The following CCNY variants were observed in gnomAD, a reference collection of about 807,000 sequenced individuals.
CCNY encodes cyclin-Y.
A neutral mutation model predicts 42.8 loss-of-function variants in CCNY; 19 were observed. The ratio of observed to expected loss-of-function variants is 0.44; its 90% CI spans 0.31 to 0.65. The LOEUF is 0.65. Ranked by LOEUF, CCNY falls within the 30% of genes least tolerant of loss-of-function variation. The pLI is 0.07. For missense variants in CCNY, 370 were observed against 437.3 expected, an observed-to-expected ratio of 0.85 and a Z score of 1.37; for synonymous variants, 165 against 162.7, an observed-to-expected ratio of 1.01 and a Z score of -0.11.
intron 8 of CCNY, among the ~76,000 whole-genome samples, chr10:35,564,903 C>A (rs1841537826): frequency 6.6e-6 from 1 of 152,168 alleles, no homozygotes; most frequent in Non-Finnish European, 1.5e-5. Flanking sequence ...GGAGAACAGC[C>A]CAAGAGGCTG....
intron 8 of CCNY, among the ~76,000 whole-genome samples, chr10:35,563,323 T>G (rs2135462291): frequency 6.6e-6 from 1 of 152,344 alleles, no homozygotes; most frequent in Non-Finnish European, 1.5e-5. Context: ...AAATACCGCC[T>G]TGTTCAAAAG....
Position 35,258,704 on chromosome 10 carries a change from G to A in CCNY, c.-9+8078G>A, listed in dbSNP as rs186018258. On this transcript the variant is annotated intron_variant, in intron 3 of 11. Coordinates refer to the CCNY transcript ENST00000374706. ...GCCTTTCCCAGCACTTTGGGAGGCC[G>A]AGGTGGGCGGATCATGAGGTCAGGA... 8.8e-4 allele frequency among the ~76,000 whole-genome samples: 134 copies of A among 152,232 alleles called. 1 individual carries two copies. Among genetic ancestry groups the A allele is most frequent in the South Asian group, 4.6e-3 (22 of 4,804 alleles).
chr10:35,483,913 G>A (rs1242593605), intron 2 of CCNY, among the ~76,000 whole-genome samples: 1 of 152,184 alleles, frequency 6.6e-6, no homozygotes, highest in East Asian at 1.9e-4. Context: ...AACCCATACT[G>A]TAGGTGCAGA....
rs759877365 is a variant in CCNY, at chr10:35,569,195, A to C, written c.*25A>C. 14 of 1,312,348 alleles carry C rather than the reference A, an allele frequency of 1.1e-5. No homozygotes were observed. The African/African-American group carries it at 1.7e-4, about 16-fold the overall frequency. 81.3% of individuals were successfully genotyped at this position (1,312,348 alleles called of 1,614,324 possible). A position where few individuals can be genotyped will look rare whatever the true frequency, so the allele number is the denominator to read the frequency against. ...ACTACGGAGGCCCGCCGGAGGCCAC[A>C]CCATCCCTTAGTTTCTCCTTTAGTT... is the stretch of plus-strand genomic sequence containing the variant. On this transcript the variant is annotated 3_prime_UTR_variant, in exon 10 of 10. Transcript: ENST00000374704.
intron 1 of CCNY, chr10:35,434,153 G>A (rs1292364906): frequency 6.6e-6 from 1 of 152,218 alleles, no homozygotes; most frequent in African/African-American, 2.4e-5. Flanking sequence ...AGGCGGATGA[G>A]GCCCATATTG....
At chr10:35,477,414 CA>C (rs1839540398) in intron 1 of CCNY, among the ~76,000 whole-genome samples, 1 of 150,278 alleles carries the variant, frequency 6.7e-6, no homozygotes, top group African/African-American at 2.4e-5. Flanking sequence ...CTGAATCCAG[CA>C]GCACATCAAA....
intron 1 of CCNY, among the ~76,000 whole-genome samples, chr10:35,470,651 A>G (rs982463749): frequency 7.9e-5 from 12 of 152,252 alleles, no homozygotes; most frequent in Admixed American, 4.6e-4. Flanking sequence ...GGGATTAACC[A>G]GAACTGCAGT....
At chr10:35,309,950 G>A (rs1198917235) in intron 3 of CCNY, among the ~76,000 whole-genome samples, 1 of 151,912 alleles carries the variant, frequency 6.6e-6, no homozygotes, top group African/African-American at 2.4e-5. Flanking sequence ...GCAGACGCCC[G>A]CCACCATGCC....
At chr10:35,444,392 T>C (rs1838746177) in intron 1 of CCNY, among the ~76,000 whole-genome samples, 1 of 152,006 alleles carries the variant, frequency 6.6e-6, no homozygotes, top group African/African-American at 2.4e-5. Context: ...GGATTATGGG[T>C]GTGCGCCATC....
At chr10:35,450,508 T>C (rs1838892928) in intron 1 of CCNY, among the ~76,000 whole-genome samples, 1 of 152,028 alleles carries the variant, frequency 6.6e-6, no homozygotes, top group African/African-American at 2.4e-5. Flanking sequence ...GCCTGGGAGT[T>C]GTCAGCTTCT....
chr10:35,360,560 G>C lies in CCNY; in HGVS notation c.154+23353G>C, dbSNP rs536604364. On this transcript the variant is annotated intron_variant, in intron 1 of 9. Coordinates refer to ENST00000374704, the MANE Select transcript of CCNY (RefSeq NM_145012.6). ...GCCTCCCAAAGTGCTGGGATTACAG[G>C]TGTGAGTCACTGTGCTCTGCCTAAA... Among the ~76,000 whole-genome samples the C allele has an allele frequency of 2.0e-5, 3 of 152,050 alleles. No individual in the cohort carries two copies. The East Asian group carries it at 5.8e-4, about 29-fold the overall frequency.
At chr10:35,461,972 C>G (rs1387650298) in intron 1 of CCNY, among the ~76,000 whole-genome samples, 1 of 152,040 alleles carries the variant, frequency 6.6e-6, no homozygotes, top group Non-Finnish European at 1.5e-5. Context: ...TCTCCTTACA[C>G]TCAATATAGT....
In CCNY at chr10:35,558,067, G is replaced by T. The variant is rs185871184; in HGVS notation, c.746+4882G>T. On this transcript the variant is annotated intron_variant, in intron 8 of 9. Coordinates refer to ENST00000374704, the MANE Select transcript of CCNY (RefSeq NM_145012.6). ...ATTACACAGCCATCTATTAGTAAAGGCTATTTAAATGAGCCTACCAACCCC... is the reference window on the plus strand; with the variant it reads ...ATTACACAGCCATCTATTAGTAAAGTCTATTTAAATGAGCCTACCAACCCC... 2.6e-4 allele frequency among the ~76,000 whole-genome samples: 40 copies of T among 152,228 alleles called. 1 individual carries two copies. The highest frequency in any genetic ancestry group is 7.5e-4 in the African/African-American group (31 of 41,538).
intron 3 of CCNY, among the ~76,000 whole-genome samples, chr10:35,512,489 G>A (rs1378245819): frequency 6.6e-6 from 1 of 152,192 alleles, no homozygotes; most frequent in Non-Finnish European, 1.5e-5. Context: ...AAGCAAGGAG[G>A]AAACCCCAGA....
chr10:35,395,376 G>A (rs1204054918), intron 1 of CCNY, among the ~76,000 whole-genome samples: 1 of 152,190 alleles, frequency 6.6e-6, no homozygotes, highest in African/African-American at 2.4e-5. Context: ...GGCAAGTGCA[G>A]CATGGGCCAC....
chr10:35,433,080 C>T (rs116106613), intron 1 of CCNY, among the ~76,000 whole-genome samples: 3 of 152,134 alleles, frequency 2.0e-5, no homozygotes, highest in Non-Finnish European at 2.9e-5. Flanking sequence ...CACGGTGGCT[C>T]ATACCTGTAA....
intron 7 of CCNY, among the ~76,000 whole-genome samples, chr10:35,551,715 T>A (rs2135449620): frequency 6.6e-6 from 1 of 152,374 alleles, no homozygotes; most frequent in South Asian, 2.1e-4. Context: ...TTCTGATGTC[T>A]GTCTTCAACC....
At chr10:35,280,051 A>G (rs1292222432) in intron 3 of CCNY, among the ~76,000 whole-genome samples, 2 of 152,148 alleles carry the variant, frequency 1.3e-5, no homozygotes, top group African/African-American at 4.8e-5. Flanking sequence ...ATCACCAAAG[A>G]TCTCCACGTT....
intron 1 of CCNY, among the ~76,000 whole-genome samples, chr10:35,397,341 C>G (rs1211991527): frequency 6.6e-6 from 1 of 152,192 alleles, no homozygotes; most frequent in Non-Finnish European, 1.5e-5. Flanking sequence ...ACTAAGTTCC[C>G]TAACCTTTAT....
Sources: allele counts gnomAD v4.1 joint callset (sites outside exome capture counted in the v4.1 genomes callset), GRCh38; gene constraint gnomAD v4.1.1; transcripts MANE v1.5; gene names NCBI Gene and HGNC (gene_info 2026-07-23, HGNC 2026-07-21).